The following USH2A variants were observed in gnomAD, a reference collection of about 807,000 sequenced individuals.
USH2A encodes usherin, also known as Usher syndrome 2A (autosomal recessive, mild).
A neutral mutation model predicts 538.9 loss-of-function variants in USH2A; 443 were observed. That is an observed-to-expected ratio of 0.82 (90% CI 0.76 to 0.89). The LOEUF (loss-of-function observed/expected upper bound fraction) is 0.89, where lower values mean the gene tolerates loss of function less well. USH2A is among the 40% of genes least tolerant of loss of function. The probability of loss-of-function intolerance (pLI) is 0.00; values close to 1 mark genes in which losing one functional copy is unlikely to be tolerated. For missense variants in USH2A, 6,633 were observed against 6,324.8 expected (o/e 1.05, Z -1.65); for synonymous variants, 2,413 against 2,273.5 (o/e 1.06, Z -1.75).
At chr1:216,166,288 A>C (rs1388044157) in intron 21 of USH2A, among the ~76,000 whole-genome samples, 1 of 152,060 alleles carries the variant, frequency 6.6e-6, no homozygotes, top group African/African-American at 2.4e-5. Context: ...GTTCAAAGAG[A>C]TGGGCATCTG....
In USH2A at chr1:215,867,098, C is replaced by T. The variant is rs1664491640; in HGVS notation, c.8754G>A (p.Val2918=). 2.5e-6 allele frequency: 4 copies of T among 1,614,170 alleles called. No individual in the cohort carries two copies. The highest frequency in any genetic ancestry group is 3.4e-6 in the Non-Finnish European group (4 of 1,180,022). Residue 2918 remains valine, a synonymous_variant, in exon 44 of 72, where the codon GTG becomes GTA. Transcript: ENST00000307340. ...VGFTPSREVT[V]TTLAGLPERG... ...TCTCTGGAAGACCAGCTAACGTTGT[C>T]ACAGTCACTTCTCGGCTCGGTGTAA... is the stretch of plus-strand genomic sequence containing the variant.
At chr1:216,085,332 T>C (rs1005936552) in intron 24 of USH2A, among the ~76,000 whole-genome samples, 2 of 152,114 alleles carry the variant, frequency 1.3e-5, no homozygotes, top group African/African-American at 4.8e-5. Flanking sequence ...GAAATGTATA[T>C]AGTGTTGATC....
chr1:215,897,681 G>A (rs557469594), intron 40 of USH2A, among the ~76,000 whole-genome samples: 44 of 150,308 alleles, frequency 2.9e-4, no homozygotes, highest in African/African-American at 8.8e-4. Context: ...AGAGTGAAAC[G>A]CTGTCTCAAA....
intron 11 of USH2A, among the ~76,000 whole-genome samples, chr1:216,276,159 A>G (rs939212862): frequency 6.6e-6 from 1 of 152,192 alleles, no homozygotes; most frequent in African/African-American, 2.4e-5. Flanking sequence ...TTTACAGTGG[A>G]TAAATTAATA....
At chr1:215,857,836 G>GC (rs11453954) in intron 44 of USH2A, among the ~76,000 whole-genome samples, 101,466 of 151,762 alleles carry the variant, frequency 0.67, 34,616 homozygotes, top group African/African-American at 0.8. Context: ...TTTTGAAAGG[G>GC]TGGTTTCTGC....
At chr1:216,394,624 T>C (rs1436901327) in intron 3 of USH2A, among the ~76,000 whole-genome samples, 1 of 151,836 alleles carries the variant, frequency 6.6e-6, no homozygotes, top group African/African-American at 2.4e-5. Context: ...GAATGAATAA[T>C]AAACAGACGT....
intron 38 of USH2A, among the ~76,000 whole-genome samples, chr1:215,908,481 T>C (rs1665695427): frequency 6.6e-6 from 1 of 151,884 alleles, no homozygotes; most frequent in African/African-American, 2.4e-5. Context: ...TACAAATATG[T>C]TTATGATATA....
intron 61 of USH2A, among the ~76,000 whole-genome samples, chr1:215,709,631 T>C (rs572233455): frequency 3.0e-4 from 41 of 136,002 alleles, no homozygotes; most frequent in African/African-American, 1.0e-3. Context: ...AGATAGATGC[T>C]TGAAGATAAT....
chr1:215,704,494 C>G (rs1367480138), intron 61 of USH2A, among the ~76,000 whole-genome samples: 1 of 152,180 alleles, frequency 6.6e-6, no homozygotes, highest in Non-Finnish European at 1.5e-5. Flanking sequence ...CTCTAACTTT[C>G]CTAATTTAAA....
intron 63 of USH2A, among the ~76,000 whole-genome samples, chr1:215,672,564 A>G (rs1225532760): frequency 6.6e-6 from 1 of 152,152 alleles, no homozygotes; most frequent in African/African-American, 2.4e-5. Flanking sequence ...CCACATAAAG[A>G]TTATTCATTT....
chr1:215,738,892 C>T (rs1036035844), intron 60 of USH2A, among the ~76,000 whole-genome samples: 1 of 152,106 alleles, frequency 6.6e-6, no homozygotes, highest in Admixed American at 6.5e-5. Context: ...ATATAAAGGG[C>T]TCTATGTAGT....
chr1:216,028,537 A>G (rs138216806), intron 32 of USH2A, among the ~76,000 whole-genome samples: 1 of 152,240 alleles, frequency 6.6e-6, no homozygotes, highest in East Asian at 1.9e-4. Flanking sequence ...AAGTGTTTCT[A>G]TTTAAGGAAG....
rs199796640 is a variant in USH2A, at chr1:215,831,459, G to A, written c.9371+6532C>T. ...TTCACTAAGATAGATCATATTCTGGGCCCTGAAAAAACTGTAACTAATTTA... is the reference window on the plus strand; with the variant it reads ...TTCACTAAGATAGATCATATTCTGGACCCTGAAAAAACTGTAACTAATTTA... On this transcript the variant is annotated intron_variant, in intron 47 of 71. Transcript: ENST00000307340. Among the ~76,000 whole-genome samples, 5 of 152,018 alleles carry A rather than the reference G, an allele frequency of 3.3e-5. No individual in the cohort carries two copies. The East Asian group carries it at 9.7e-4, about 29-fold the overall frequency.
chr1:215,758,756 T>C lies in USH2A; in HGVS notation c.11232-4A>G, dbSNP rs957960601. The C allele has an allele frequency of 5.0e-6, 8 of 1,613,502 alleles. No homozygotes were observed. In the African/African-American group the frequency reaches 8.0e-5, roughly 16 times the overall value. The stretch of plus-strand genomic sequence containing the variant: ...GACTTCTAACTTGTAAGTGTATCTA[T>C]ATTTAAAAAGAAAGAAGAATTGTGG... On this transcript the variant is annotated splice_polypyrimidine_tract_variant and splice_region_variant and intron_variant, in intron 57 of 71. Transcript: ENST00000307340.
chr1:216,046,595 G>C lies in USH2A; in HGVS notation c.6164-3C>G, dbSNP rs755593389. The C allele has an allele frequency of 6.2e-7, 1 of 1,613,602 alleles. No homozygotes were observed. Among genetic ancestry groups the C allele is most frequent in the Non-Finnish European group, 8.5e-7 (1 of 1,179,700 alleles). On this transcript the variant is annotated splice_region_variant and splice_polypyrimidine_tract_variant and intron_variant, in intron 31 of 71. Transcript: ENST00000307340. ...TGGTGGCTGAACCTCTTGTGGGGCT[G>C]TGGAAGAAAAGATTTATAGAGTCTA... is the stretch of plus-strand genomic sequence containing the variant.
rs753045515 is a variant in USH2A, at chr1:216,084,885, A to C, written c.4988-8T>G. The C allele has an allele frequency of 3.7e-6, 6 of 1,610,686 alleles. No homozygotes were observed. The stretch of plus-strand genomic sequence containing the variant: ...AACCTTTTTGGATTATCTCTGCAGG[A>C]GTTTATAGATATCAAGAAATATATA... On this transcript the variant is annotated splice_polypyrimidine_tract_variant and splice_region_variant and intron_variant, in intron 24 of 71. Transcript: ENST00000307340.
intron 61 of USH2A, among the ~76,000 whole-genome samples, chr1:215,718,144 T>G (rs2102704280): frequency 6.6e-6 from 1 of 152,272 alleles, no homozygotes. Context: ...AACAAGATGT[T>G]TCACCTTAAA....
intron 3 of USH2A, among the ~76,000 whole-genome samples, chr1:216,371,729 C>A (rs573256503): frequency 2.6e-5 from 4 of 152,090 alleles, no homozygotes; most frequent in African/African-American, 9.7e-5. Context: ...ATGTCATTTG[C>A]AAATTTGATG....
intron 47 of USH2A, among the ~76,000 whole-genome samples, chr1:215,817,578 T>G (rs966634999): frequency 2.6e-5 from 4 of 151,728 alleles, no homozygotes; most frequent in Non-Finnish European, 4.4e-5. Flanking sequence ...TACCTAGGAG[T>G]TGTGATATGA....
Sources: gnomAD v4.1 joint callset for allele counts (sites outside exome capture counted in the v4.1 genomes callset) on GRCh38, gnomAD v4.1.1 for gene constraint, MANE v1.5 for transcripts, NCBI Gene and HGNC (gene_info 2026-07-23, HGNC 2026-07-21) for gene names.